The following CTNNA3 variants were observed in gnomAD, a reference collection of about 807,000 sequenced individuals.
The protein encoded by CTNNA3 is catenin alpha-3.
Under a neutral mutation model 95.7 loss-of-function variants are expected in CTNNA3, and 76 were observed. That is an observed-to-expected ratio of 0.79 (90% CI 0.66 to 0.96). The LOEUF (loss-of-function observed/expected upper bound fraction) is 0.96, where lower values mean the gene tolerates loss of function less well. CTNNA3 is among the 40% of genes least tolerant of loss of function. The pLI is 0.00. For missense variants in CTNNA3, 1,191 were observed against 1,089.8 expected (o/e 1.09, Z -1.31); for synonymous variants, 431 against 374.4 (o/e 1.15, Z -1.74).
chr10:67,087,764 A>G (rs949084328), intron 7 of CTNNA3, among the ~76,000 whole-genome samples: 10 of 151,998 alleles, frequency 6.6e-5, no homozygotes, highest in African/African-American at 2.4e-4. Flanking sequence ...TATAGTTCCT[A>G]TAAAGCCCAG....
chr10:66,590,605 C>T (rs1843516186), intron 10 of CTNNA3, among the ~76,000 whole-genome samples: 1 of 152,018 alleles, frequency 6.6e-6, no homozygotes, highest in Non-Finnish European at 1.5e-5. Flanking sequence ...GCCAGCTTTA[C>T]ATTTGATTCA....
intron 13 of CTNNA3, among the ~76,000 whole-genome samples, chr10:66,272,867 G>C (rs1003581996): frequency 6.6e-6 from 1 of 152,074 alleles, no homozygotes; most frequent in South Asian, 2.1e-4. Flanking sequence ...CAGAAACCTC[G>C]GATAGTAATG....
At chr10:66,407,374 C>T (rs16923015) in intron 11 of CTNNA3, among the ~76,000 whole-genome samples, 19,137 of 151,138 alleles carry the variant, frequency 0.13, 1,618 homozygotes, top group African/African-American at 0.23. Flanking sequence ...GTGGATGGGC[C>T]TGTTTCTGTA....
chr10:67,568,465 ATGTGTG>A (rs61162014), intron 3 of CTNNA3, among the ~76,000 whole-genome samples: 3 of 150,070 alleles, frequency 2.0e-5, no homozygotes, highest in Admixed American at 6.7e-5. Context: ...GTATATATAT[ATGTGTG>A]TGTGTGTGTG....
At chr10:67,758,224 C>T (rs528905732) in intron 1 of CTNNA3, among the ~76,000 whole-genome samples, 2 of 151,704 alleles carry the variant, frequency 1.3e-5, no homozygotes, top group South Asian at 2.1e-4. Context: ...GATCTTGAGA[C>T]TTCTCAGCCT....
At chr10:67,315,314 T>C (rs1175216924) in intron 5 of CTNNA3, among the ~76,000 whole-genome samples, 2 of 152,138 alleles carry the variant, frequency 1.3e-5, no homozygotes, top group African/African-American at 4.8e-5. Flanking sequence ...ATTGGGTGAG[T>C]TGGTTATTCA....
chr10:66,085,398 G>A (rs1395791704), intron 14 of CTNNA3, among the ~76,000 whole-genome samples: 2 of 151,930 alleles, frequency 1.3e-5, no homozygotes, highest in East Asian at 1.9e-4. Context: ...TCAATCACCT[G>A]GACCACAGAA....
chr10:66,718,501 T>A (rs1848524378), intron 9 of CTNNA3, among the ~76,000 whole-genome samples: 1 of 152,002 alleles, frequency 6.6e-6, no homozygotes, highest in South Asian at 2.1e-4. Flanking sequence ...CACTGAATAT[T>A]TCTTAAATTG....
At chr10:66,983,198 C>T (rs1850542783) in intron 7 of CTNNA3, among the ~76,000 whole-genome samples, 1 of 152,154 alleles carries the variant, frequency 6.6e-6, no homozygotes, top group East Asian at 1.9e-4. Context: ...GCTCAGCACA[C>T]TCGGCAGAAA....
intron 5 of CTNNA3, among the ~76,000 whole-genome samples, chr10:67,437,591 G>A (rs1589289243): frequency 2.0e-5 from 3 of 152,066 alleles, no homozygotes; most frequent in African/African-American, 7.2e-5. Context: ...TACAACCTAT[G>A]TAACTGGCCA....
chr10:67,361,429 T>C (rs1842987494), intron 5 of CTNNA3, among the ~76,000 whole-genome samples: 1 of 152,142 alleles, frequency 6.6e-6, no homozygotes, highest in South Asian at 2.1e-4. Flanking sequence ...ACCATACTCT[T>C]GGACCACAAT....
intron 2 of CTNNA3, among the ~76,000 whole-genome samples, chr10:67,608,988 G>A (rs949575283): frequency 5.3e-5 from 8 of 151,354 alleles, no homozygotes; most frequent in Non-Finnish European, 1.0e-4. Flanking sequence ...TACTCAGGAG[G>A]CTGAGGCAGG....
At chr10:66,312,144 T>A (rs1463537063) in intron 12 of CTNNA3, among the ~76,000 whole-genome samples, 1 of 152,194 alleles carries the variant, frequency 6.6e-6, no homozygotes, top group Admixed American at 6.5e-5. Flanking sequence ...ATTTTTCTCA[T>A]TTTTTAGTAC....
In CTNNA3 at chr10:66,422,874, C is replaced by CCG. The variant is rs1020034737; in HGVS notation, c.1532-43523_1532-43522insCG. ...TGAACCCCTGACCTCAAGTGATCCA[C>CCG]CTCCCTCGGCCTACCAAAGTGCTGG... On this transcript the variant is annotated intron_variant, in intron 11 of 17. Coordinates refer to ENST00000433211, the MANE Select transcript of CTNNA3 (RefSeq NM_013266.4). 6.0e-4 allele frequency among the ~76,000 whole-genome samples: 38 copies of CCG among 63,006 alleles called. 1 individual carries two copies. The highest frequency in any genetic ancestry group is 2.8e-3 in the African/African-American group (38 of 13,516). 41.3% of individuals were successfully genotyped at this position (63,006 alleles called of 152,430 possible).
rs78765108 is a variant in CTNNA3 at position 67,353,054 on chromosome 10, T to C, written c.580-133184A>G. 0.018 allele frequency among the ~76,000 whole-genome samples: 2,706 copies of C among 152,074 alleles called. 206 individuals carry two copies. The East Asian group carries it at 0.24, about 13-fold the overall frequency. On this transcript the variant is annotated intron_variant, in intron 5 of 17. Coordinates refer to ENST00000433211, the MANE Select transcript of CTNNA3 (RefSeq NM_013266.4). ...ACTACGTTTCCAAAATGGGAAAGGT[T>C]TTATAGCTAGAAGATCTGGGCTCAG...
intron 7 of CTNNA3, among the ~76,000 whole-genome samples, chr10:66,967,664 T>C (rs1418516343): frequency 6.6e-6 from 1 of 152,026 alleles, no homozygotes; most frequent in Non-Finnish European, 1.5e-5. Flanking sequence ...TTTTCTAACA[T>C]TTATTAAGAA....
At chr10:66,830,817 G>A (rs1406671953) in intron 7 of CTNNA3, among the ~76,000 whole-genome samples, 2 of 152,010 alleles carry the variant, frequency 1.3e-5, no homozygotes, top group Non-Finnish European at 2.9e-5. Flanking sequence ...CACCGTGTTA[G>A]CCAGGATGGT....
intron 7 of CTNNA3, among the ~76,000 whole-genome samples, chr10:67,105,010 T>C (rs1379263768): frequency 2.6e-5 from 4 of 151,914 alleles, no homozygotes; most frequent in African/African-American, 9.7e-5. Flanking sequence ...GGTATCTGGG[T>C]TGAAGATGTG....
chr10:67,747,059 T>C (rs551436090), intron 1 of CTNNA3, among the ~76,000 whole-genome samples: 40 of 152,264 alleles, frequency 2.6e-4, no homozygotes, highest in African/African-American at 9.6e-4. Context: ...ACATCCCTCC[T>C]CACTGGGCAG....
Sources: gnomAD v4.1 joint callset for allele counts (sites outside exome capture counted in the v4.1 genomes callset) on GRCh38, gnomAD v4.1.1 for gene constraint, MANE v1.5 for transcripts, NCBI Gene and HGNC (gene_info 2026-07-23, HGNC 2026-07-21) for gene names.